Variants in MSRA observed in about 807,000 individuals in gnomAD.
MSRA encodes the protein mitochondrial peptide methionine sulfoxide reductase.
In MSRA, 54 loss-of-function variants were observed where a neutral mutation model predicts 31.3. That is an observed-to-expected ratio of 1.73 (90% CI 1.39 to 2.17). The LOEUF is 2.17. Ranked by LOEUF, MSRA falls within the 30% of genes most tolerant of loss-of-function variation. The probability of loss-of-function intolerance (pLI) is 0.00; values close to 1 mark genes in which losing one functional copy is unlikely to be tolerated. For synonymous variants in MSRA, 169 were observed against 116.5 expected (o/e 1.45, Z -2.90); for missense variants, 507 against 300.9 (o/e 1.69, Z -5.07).
intron 2 of MSRA, among the ~76,000 whole-genome samples, chr8:10,238,094 G>A (rs1563254621): frequency 6.6e-6 from 1 of 152,130 alleles, no homozygotes; most frequent in East Asian, 1.9e-4. Context: ...TCTTTGTCCT[G>A]CTACTTCCTC....
At chr8:10,418,677 A>C (rs1466920870) in intron 5 of MSRA, among the ~76,000 whole-genome samples, 1 of 152,092 alleles carries the variant, frequency 6.6e-6, no homozygotes, top group African/African-American at 2.4e-5. Flanking sequence ...CTTTTTTCTA[A>C]AAAGTGTCTG....
At chr8:10,104,251 G>A (rs148663809) in intron 1 of MSRA, among the ~76,000 whole-genome samples, 6 of 152,228 alleles carry the variant, frequency 3.9e-5, no homozygotes, top group East Asian at 1.9e-4. Flanking sequence ...GTAATGCCAC[G>A]CCATTCTCCC....
intron 5 of MSRA, among the ~76,000 whole-genome samples, chr8:10,368,513 C>T (rs1445063782): frequency 6.6e-6 from 1 of 152,188 alleles, no homozygotes; most frequent in African/African-American, 2.4e-5. Flanking sequence ...AGCAGAGGGG[C>T]CGGGAGGCGA....
chr8:10,061,387 C>T (rs1045206013), intron 1 of MSRA, among the ~76,000 whole-genome samples: 3 of 152,118 alleles, frequency 2.0e-5, no homozygotes, highest in Non-Finnish European at 4.4e-5. Flanking sequence ...CTCTAATTCC[C>T]CTTCTCCCGG....
intron 2 of MSRA, among the ~76,000 whole-genome samples, chr8:10,222,892 G>C (rs1810653382): frequency 6.6e-6 from 1 of 152,170 alleles, no homozygotes. Flanking sequence ...AAGTTCTGGA[G>C]ATCTTGGTGA....
Position 10,428,339 on chromosome 8 carries a change from G to C in MSRA, c.*27G>C. On this transcript the variant is annotated 3_prime_UTR_variant, in exon 6 of 6. Transcript: ENST00000317173. ...TTCTCCCCACATGGTGGGCCTTTGA[G>C]GTTCCAGTAAAAATGCTTTCAACAA... The C allele has an allele frequency of 6.2e-6, 10 of 1,607,888 alleles. No homozygotes were observed. Among genetic ancestry groups the C allele is most frequent in the South Asian group, 1.1e-5 (1 of 89,646 alleles).
chr8:10,405,794 C>A (rs1373228565), intron 5 of MSRA, among the ~76,000 whole-genome samples: 1 of 151,728 alleles, frequency 6.6e-6, no homozygotes, highest in East Asian at 1.9e-4. Context: ...CATGTAATCA[C>A]ATACACACAT....
At chr8:10,186,067 C>G (rs1239861303) in intron 1 of MSRA, among the ~76,000 whole-genome samples, 2 of 152,130 alleles carry the variant, frequency 1.3e-5, no homozygotes, top group South Asian at 2.1e-4. Context: ...CAGCGTGCCT[C>G]TTACTGATCC....
At position 10,290,823 on chromosome 8, in the gene MSRA, G is replaced by C. The variant is rs1034543567; in HGVS notation, c.332-10711G>C. On this transcript the variant is annotated intron_variant, in intron 3 of 5. Transcript: ENST00000317173. ...ATATTAAAAGGCCATTTAATAAACT[G>C]CATTGGTTCTCTTGGCTGCAGGGAT... 1.4e-4 allele frequency among the ~76,000 whole-genome samples: 21 copies of C among 152,190 alleles called. 1 individual carries two copies. Among genetic ancestry groups the C allele is most frequent in the Non-Finnish European group, 1.5e-5 (1 of 68,026 alleles).
chr8:10,130,298 A>G (rs1008613396), intron 1 of MSRA, among the ~76,000 whole-genome samples: 1 of 152,212 alleles, frequency 6.6e-6, no homozygotes, highest in Admixed American at 6.5e-5. Context: ...ACAGGATAAC[A>G]ACTTTTCAGG....
intron 1 of MSRA, among the ~76,000 whole-genome samples, chr8:10,062,296 T>G (rs1797243310): frequency 6.6e-6 from 1 of 152,196 alleles, no homozygotes; most frequent in African/African-American, 2.4e-5. Flanking sequence ...CCTCTGGGGA[T>G]GTATGGAAGA....
chr8:10,195,888 A>G (rs1383936038), intron 1 of MSRA, among the ~76,000 whole-genome samples: 2 of 152,230 alleles, frequency 1.3e-5, no homozygotes, highest in Non-Finnish European at 2.9e-5. Flanking sequence ...CAGAAAGCCA[A>G]TAGCCCTGAC....
chr8:10,257,081 T>C (rs1563276990), intron 3 of MSRA, among the ~76,000 whole-genome samples: 1 of 152,236 alleles, frequency 6.6e-6, no homozygotes, highest in Non-Finnish European at 1.5e-5. Flanking sequence ...TGATGTGCCC[T>C]TTCTTGGCCA....
Position 10,374,400 on chromosome 8 carries a change from C to T in MSRA, c.544-53748C>T, listed in dbSNP as rs545158755. ...GAGAGGTGATAAGAATAGCCACCAACCTAGCACATCCTGCAGGCTAGATCC... is the reference window on the plus strand; with the variant it reads ...GAGAGGTGATAAGAATAGCCACCAATCTAGCACATCCTGCAGGCTAGATCC... On this transcript the variant is annotated intron_variant, in intron 5 of 5. Coordinates refer to ENST00000317173, the MANE Select transcript of MSRA (RefSeq NM_012331.5). Among the ~76,000 whole-genome samples the T allele has an allele frequency of 1.8e-4, 27 of 152,222 alleles. No individual in the cohort carries two copies. In the South Asian group the frequency reaches 3.5e-3, roughly 20 times the overall value.
At chr8:10,255,641 T>A (rs879939793) in intron 3 of MSRA, among the ~76,000 whole-genome samples, 3 of 151,996 alleles carry the variant, frequency 2.0e-5, no homozygotes, top group Admixed American at 6.6e-5. Flanking sequence ...ATCTGTCACC[T>A]TGTTTAAGGC....
chr8:10,403,381 A>G (rs1807586427), intron 5 of MSRA, among the ~76,000 whole-genome samples: 1 of 152,172 alleles, frequency 6.6e-6, no homozygotes, highest in Admixed American at 6.5e-5. Context: ...CTAGCTCCAC[A>G]TGCTCATGCC....
intron 1 of MSRA, among the ~76,000 whole-genome samples, chr8:10,074,058 CTTTTTTTTT>C (rs534642712): frequency 7.8e-3 from 230 of 29,326 alleles, no homozygotes; most frequent in Non-Finnish European, 9.8e-3. Flanking sequence ...AAGGGAGGTG[CTTTTTTTTT>C]TTTTTTTTTT....
intron 1 of MSRA, among the ~76,000 whole-genome samples, chr8:10,059,447 G>C (rs1563383040): frequency 6.6e-6 from 1 of 152,204 alleles, no homozygotes; most frequent in African/African-American, 2.4e-5. Context: ...TATGAACGTA[G>C]TCAGTTTGGC....
rs77272912 is a variant in MSRA, at chr8:10,054,842, C to T, written c.142+184C>T. On this transcript the variant is annotated intron_variant, in intron 1 of 5. Transcript: ENST00000317173. The stretch of plus-strand genomic sequence containing the variant: ...CCGGGGAGACGCTGGGGTCCACTGA[C>T]GTCCCTTTGTCTTTGTTTGGCTCGT... Among the ~76,000 whole-genome samples the T allele has an allele frequency of 2.0e-3, 300 of 152,310 alleles. 1 individual carries two copies. Among genetic ancestry groups the T allele is most frequent in the African/African-American group, 6.7e-3 (277 of 41,576 alleles).
Sources: gnomAD v4.1 joint callset for allele counts (sites outside exome capture counted in the v4.1 genomes callset) on GRCh38, gnomAD v4.1.1 for gene constraint, MANE v1.5 for transcripts, NCBI Gene and HGNC (gene_info 2026-07-23, HGNC 2026-07-21) for gene names.